The following CEP250 variants were observed in gnomAD, a reference collection of about 807,000 sequenced individuals.
CEP250 encodes centrosome-associated protein CEP250.
CEP250 carries 242 observed loss-of-function variants against 315.7 expected under a neutral mutation model. The observed-to-expected ratio is 0.77, with a 90% confidence interval of 0.69 to 0.85. CEP250 has a LOEUF of 0.85. Ranked by LOEUF, CEP250 falls within the 40% of genes least tolerant of loss-of-function variation. The pLI is 0.00. For synonymous variants in CEP250, 1,088 were observed against 1,175.0 expected (o/e 0.93, Z 1.51); for missense variants, 2,515 against 2,886.4 (o/e 0.87, Z 2.95).
At position 35,497,763 on chromosome 20, in the gene CEP250, T is replaced by C. The variant is rs2063882004; in HGVS notation, c.3351T>C (p.Phe1117=). ...AGGTGAAGGAAAAGGAGGCTGACTT[T>C]CTGGCCCAGGAAGCACAGCTGCTGG... ...RQEVKEKEAD[F]LAQEAQLLEE... is the part of the protein sequence containing the mutation. The change falls in exon 26 of 35, where the codon TTT becomes TTC. Residue 1117 remains phenylalanine (F), a synonymous_variant. Transcript: ENST00000397527. The C allele has an allele frequency of 3.2e-6, 5 of 1,560,312 alleles. No individual in the cohort carries two copies. Among genetic ancestry groups the C allele is most frequent in the Middle Eastern group, 3.4e-4 (2 of 5,960 alleles).
At chr20:35,500,259 C>T (rs1488069444) in intron 28 of CEP250, 90 bp downstream of exon 28, 1 of 1,479,790 alleles carries the variant, frequency 6.8e-7, no homozygotes, top group Non-Finnish European at 9.2e-7. Context: ...AGCAGCCACT[C>T]TGTTTATTTT....
chr20:35,474,933 T>C lies in CEP250; in HGVS notation c.1572-569T>C, dbSNP rs1601165274. 4 of 459,792 alleles carry C rather than the reference T, an allele frequency of 8.7e-6. No homozygotes were observed. In the East Asian group the frequency reaches 2.8e-4, roughly 32 times the overall value. The allele number at this position is 459,792 out of a possible 1,614,324, so 28.5% of individuals were successfully genotyped here. On this transcript the variant is annotated intron_variant, in intron 14 of 34. Coordinates refer to ENST00000397527, the MANE Select transcript of CEP250 (RefSeq NM_007186.6). ...TCCTCTCCTGTGCCCCAGTTCCTTG[T>C]ACCTGGTAGGCATGAATAGTGGAAG...
Position 35,496,642 on chromosome 20 carries a change from GACA to G in CEP250, c.3238_3240del (p.Gln1080del), listed in dbSNP as rs748704754. On this transcript the variant is annotated inframe_deletion, in exon 25 of 35. Transcript: ENST00000397527. ...GTTTTACAAGAAGCTGACTCTATTCGACAACAAGAGCTGAGTGCCCTGCGCCAG... is the reference window on the plus strand; with the variant it reads ...GTTTTACAAGAAGCTGACTCTATTCGACAAGAGCTGAGTGCCCTGCGCCAG... 8.1e-6 allele frequency: 13 copies of G among 1,613,860 alleles called. No individual in the cohort carries two copies. Among genetic ancestry groups the G allele is most frequent in the Admixed American group, 1.7e-5 (1 of 59,982 alleles).
intron 29 of CEP250, 121 bp from the exon 30 acceptor site, chr20:35,502,269 C>T: frequency 1.2e-6 from 1 of 834,266 alleles, no homozygotes; most frequent in Non-Finnish European, 1.8e-6. Context: ...TATACCACCA[C>T]TTTTTTTTGC....
rs1366721654 is a variant in CEP250, at chr20:35,517,727, G to C, written c.*6101G>C. On this transcript the variant is annotated 3_prime_UTR_variant, in exon 35 of 35. Coordinates refer to ENST00000397527, the MANE Select transcript of CEP250 (RefSeq NM_007186.6). ...AGATCATACCACTGCACTCCAGCCT[G>C]AGTGATAAAAGTGAGACCCTGTCTC... The C allele has an allele frequency of 6.7e-6, 1 of 148,176 alleles. No homozygotes were observed. Among genetic ancestry groups the C allele is most frequent in the African/African-American group, 2.5e-5 (1 of 39,504 alleles). 9.2% of individuals were successfully genotyped at this position (148,176 alleles called of 1,614,324 possible).
chr20:35,487,704 G>A (rs1365189530), intron 20 of CEP250, among the ~76,000 whole-genome samples: 1 of 152,134 alleles, frequency 6.6e-6, no homozygotes, highest in Non-Finnish European at 1.5e-5. Context: ...GGAGGCCAAG[G>A]CGAAAGGATC....
chr20:35,472,828 G>A lies in CEP250; in HGVS notation c.1206G>A (p.Val402=), dbSNP rs2063059486. Residue 402 remains valine, a synonymous_variant, in exon 12 of 35, where the codon GTG becomes GTA. Transcript: ENST00000397527. ...RSVLTRRRQA[V]QDLRQQLAGC... Reference sequence around the variant, plus strand: ...TGCTGACTCGGAGACGCCAGGCTGTGCAGGTAGGAACCCTCAGCATTCCAC... The same window carrying A: ...TGCTGACTCGGAGACGCCAGGCTGTACAGGTAGGAACCCTCAGCATTCCAC... The A allele has an allele frequency of 6.2e-7, 1 of 1,613,938 alleles. No individual in the cohort carries two copies. Among genetic ancestry groups the A allele is most frequent in the Admixed American group, 1.7e-5 (1 of 60,012 alleles).
In CEP250 at chr20:35,504,442, G is replaced by A. The variant is rs1422976842; in HGVS notation, c.6073G>A (p.Glu2025Lys). The part of the protein sequence containing the change: ...LEEALRIQEG[E>K]IQDQDLRYQE... ...GGAGGCTCTGAGGATACAAGAAGGT[G>A]AGATCCAGGACCAGGATCTCCGATA... The change falls in exon 30 of 35, where the codon GAG (glutamate) becomes AAG (lysine). Residue 2025 changes from glutamate to lysine, a missense_variant. Physicochemically the swap from Glu to Lys is moderately conservative, Grantham distance 56. Coordinates refer to ENST00000397527, the MANE Select transcript of CEP250 (RefSeq NM_007186.6). 6.2e-7 allele frequency: 1 copy of A among 1,611,634 alleles called. No individual in the cohort carries two copies.
At chr20:35,467,223 C>G in intron 8 of CEP250, 81 bp from the exon 9 acceptor site, 3 of 1,519,444 alleles carry the variant, frequency 2.0e-6, no homozygotes, top group Non-Finnish European at 2.7e-6. Context: ...CAGCCCTGCT[C>G]CTCAGGCTTC....
rs1202110891 is a variant in CEP250, at chr20:35,501,880, G to A, written c.3934G>A (p.Glu1312Lys). Reference protein sequence around the residue: ...SKWEGKQNSLESELMELHETM... With the variant: ...SKWEGKQNSLKSELMELHETM... ...GTGGGAAGGAAAGCAGAACTCCCTA[G>A]AATCTGAGCTGATGGAACTACATGA... Residue 1312 changes from glutamate to lysine, a missense_variant, in exon 29 of 35, where the codon GAA becomes AAA. Coordinates refer to ENST00000397527, the MANE Select transcript of CEP250 (RefSeq NM_007186.6). The A allele has an allele frequency of 6.2e-7, 1 of 1,613,180 alleles. No homozygotes were observed. Among genetic ancestry groups the A allele is most frequent in the Non-Finnish European group, 8.5e-7 (1 of 1,179,862 alleles).
intron 3 of CEP250, among the ~76,000 whole-genome samples, chr20:35,461,847 A>G (rs1384114442): frequency 2.6e-5 from 4 of 151,900 alleles, no homozygotes; most frequent in Non-Finnish European, 4.4e-5. Context: ...AACAATGATG[A>G]TGATGATTCA....
chr20:35,491,316 G>C lies in CEP250; in HGVS notation c.2859G>C (p.Gln953His). Residue 953 changes from glutamine to histidine, a missense_variant, in exon 22 of 35, where the codon CAG becomes CAC. Physicochemically the swap from Gln to His is conservative, Grantham distance 24 (BLOSUM62 0). Coordinates refer to ENST00000397527, the MANE Select transcript of CEP250 (RefSeq NM_007186.6). ...GCCAACAACTGGAACGACTGAGGCA[G>C]GACATGAAAGTCCAGAAATTAAAGG... ...DASQQLERLR[Q>H]DMKVQKLKEQ... is the part of the protein sequence containing the mutation. 1 of 1,598,360 alleles carries C rather than the reference G, an allele frequency of 6.3e-7. No homozygotes were observed. Among genetic ancestry groups the C allele is most frequent in the Non-Finnish European group, 8.5e-7 (1 of 1,172,000 alleles).
chr20:35,485,373 CAAAAAA>C (rs896722122), intron 20 of CEP250, among the ~76,000 whole-genome samples: 13 of 79,618 alleles, frequency 1.6e-4, no homozygotes, highest in Non-Finnish European at 3.3e-4. Context: ...GACTCTGTCT[CAAAAAA>C]AAAAAAAAAA....
At chr20:35,467,185 GGTA>G in intron 8 of CEP250, 113 bp downstream of exon 8, 1 of 1,316,102 alleles carries the variant, frequency 7.6e-7, no homozygotes, top group Non-Finnish European at 1.1e-6. Context: ...TGGGGGAGTT[GGTA>G]GTATTGGAAG....
intron 23 of CEP250, among the ~76,000 whole-genome samples, chr20:35,493,870 T>G (rs2063763736): frequency 6.6e-6 from 1 of 152,234 alleles, no homozygotes; most frequent in Non-Finnish European, 1.5e-5. Context: ...TTTTACATAC[T>G]AGGTTGCTTC....
intron 22 of CEP250, 139 bp from the exon 23 acceptor site, chr20:35,493,290 A>T: frequency 1.3e-6 from 1 of 748,020 alleles, no homozygotes. Flanking sequence ...GAGGGAGGAG[A>T]GGGACTAGGA....
intron 22 of CEP250, 63 bp from the exon 23 acceptor site, chr20:35,493,366 A>C: frequency 1.4e-6 from 2 of 1,401,276 alleles, no homozygotes; most frequent in Non-Finnish European, 1.9e-6. Context: ...CCACCCCACC[A>C]AAAAAACCAG....
intron 11 of CEP250, 135 bp from the exon 12 acceptor site, chr20:35,472,538 A>G: frequency 1.1e-6 from 1 of 886,552 alleles, no homozygotes; most frequent in Non-Finnish European, 1.8e-6. Context: ...TTATGCTCAG[A>G]TACTCCCCTC....
At chr20:35,483,443 C>T (rs1247613061) in intron 20 of CEP250, among the ~76,000 whole-genome samples, 1 of 151,768 alleles carries the variant, frequency 6.6e-6, no homozygotes, top group South Asian at 2.1e-4. Context: ...GCCTCAAACT[C>T]CTGAGCTCAA....
Sources: gnomAD v4.1 joint callset for allele counts (sites outside exome capture counted in the v4.1 genomes callset) on GRCh38, gnomAD v4.1.1 for gene constraint, MANE v1.5 for transcripts, NCBI Gene and HGNC (gene_info 2026-07-23, HGNC 2026-07-21) for gene names.